The following FBLIM1 variants were observed in gnomAD, a reference collection of about 807,000 sequenced individuals.
FBLIM1 encodes filamin-binding LIM protein 1.
Under a neutral mutation model 37.4 loss-of-function variants are expected in FBLIM1, and 29 were observed. That is an observed-to-expected ratio of 0.77 (90% CI 0.58 to 1.06). The LOEUF (loss-of-function observed/expected upper bound fraction) is 1.06. FBLIM1 is among the 50% of genes least tolerant of loss of function. FBLIM1 has a pLI of 0.00. For missense variants in FBLIM1, 449 were observed against 505.6 expected (o/e 0.89, Z 1.07); for synonymous variants, 193 against 199.0 (o/e 0.97, Z 0.25).
intron 6 of FBLIM1, among the ~76,000 whole-genome samples, chr1:15,771,249 G>T (rs6666746): frequency 0.012 from 1,597 of 133,604 alleles, 29 homozygotes; most frequent in African/African-American, 0.039. Flanking sequence ...GTTTTTTTTT[G>T]TTTTTTTTTT....
chr1:15,759,227 GGC>G (rs1419466664), intron 1 of FBLIM1, among the ~76,000 whole-genome samples: 1 of 152,210 alleles, frequency 6.6e-6, no homozygotes, highest in Non-Finnish European at 1.5e-5. Flanking sequence ...TGACCCCGGC[GGC>G]CGCCCTGCTC....
At chr1:15,773,273 C>T (rs567254861) in intron 6 of FBLIM1, among the ~76,000 whole-genome samples, 63 of 151,802 alleles carry the variant, frequency 4.2e-4, no homozygotes, top group African/African-American at 1.1e-3. Context: ...ATCCCAGCTA[C>T]TTGGGAGGCT....
intron 5 of FBLIM1, among the ~76,000 whole-genome samples, chr1:15,769,121 G>T (rs943167712): frequency 6.6e-6 from 1 of 152,254 alleles, no homozygotes; most frequent in East Asian, 1.9e-4. Flanking sequence ...AGCAAACTAG[G>T]CTCTTCTGCT....
At chr1:15,773,416 C>T (rs1347210868) in intron 6 of FBLIM1, among the ~76,000 whole-genome samples, 2 of 149,994 alleles carry the variant, frequency 1.3e-5, no homozygotes, top group Non-Finnish European at 3.0e-5. Flanking sequence ...CGGTGGCTCA[C>T]GCCTGTAATC....
At chr1:15,781,718 G>A (rs796857771) in intron 8 of FBLIM1, among the ~76,000 whole-genome samples, 1 of 111,448 alleles carries the variant, frequency 9.0e-6, no homozygotes, top group African/African-American at 3.4e-5. Flanking sequence ...AGGTAGTATT[G>A]TTTTTTTTTT....
intron 8 of FBLIM1, among the ~76,000 whole-genome samples, chr1:15,779,390 C>T (rs2069579177): frequency 6.6e-6 from 1 of 152,062 alleles, no homozygotes; most frequent in Non-Finnish European, 1.5e-5. Context: ...CTGCAACCTC[C>T]ACCTCCTGGG....
intron 8 of FBLIM1, among the ~76,000 whole-genome samples, chr1:15,777,762 A>C (rs1053465544): frequency 4.0e-5 from 6 of 151,866 alleles, no homozygotes; most frequent in African/African-American, 1.5e-4. Flanking sequence ...TAGTAGAGAC[A>C]GGGTTTCACC....
chr1:15,770,226 T>C (rs2069135943), intron 5 of FBLIM1, among the ~76,000 whole-genome samples, 183 bp from the exon 6 acceptor site: 1 of 152,050 alleles, frequency 6.6e-6, no homozygotes. Context: ...GCATTACAGG[T>C]GTGAGCCACC....
At chr1:15,760,166 T>A (rs560334234) in intron 1 of FBLIM1, among the ~76,000 whole-genome samples, 3 of 151,614 alleles carry the variant, frequency 2.0e-5, no homozygotes, top group Non-Finnish European at 4.4e-5. Flanking sequence ...GAGGTTGCAG[T>A]GAGCCGAGAT....
At chr1:15,771,945 C>T (rs2069236612) in intron 6 of FBLIM1, among the ~76,000 whole-genome samples, 1 of 152,046 alleles carries the variant, frequency 6.6e-6, no homozygotes, top group South Asian at 2.1e-4. Context: ...AATGTTTGAT[C>T]TCACGGGAAT....
rs890928686 is a variant in FBLIM1 at position 15,760,821 on chromosome 1, TG to T, written c.-211+1978del. 7.1e-4 allele frequency among the ~76,000 whole-genome samples: 108 copies of T among 151,804 alleles called. 1 individual carries two copies. The highest frequency in any genetic ancestry group is 2.5e-3 in the African/African-American group (105 of 41,374). On this transcript the variant is annotated intron_variant, in intron 1 of 8. Coordinates refer to ENST00000375766, the MANE Select transcript of FBLIM1 (RefSeq NM_017556.4). ...GATTCGCTCTCTGGGGGAGGAAGAG[TG>T]GGGGCGGAGGGTCCCCTGGGCACAG... is the stretch of plus-strand genomic sequence containing the variant.
At chr1:15,758,565 G>C (rs535735641), upstream of FBLIM1, 10 of 152,342 alleles carry the variant, frequency 6.6e-5, no homozygotes, top group Middle Eastern at 3.4e-3. This position sits in a 1 kb window ranked among gnomAD's most constrained non-coding sequence, Gnocchi z 6.2. Flanking sequence ...CTGTGCCAAG[G>C]GGGAGGGGAG....
In FBLIM1 at chr1:15,767,395, T is replaced by G; in HGVS notation, c.270T>G (p.Pro90=). 1 of 1,376,036 alleles carries G rather than the reference T, an allele frequency of 7.3e-7. No homozygotes were observed. The highest frequency in any genetic ancestry group is 9.8e-7 in the Non-Finnish European group (1 of 1,025,608). 85.2% of individuals were successfully genotyped at this position (1,376,036 alleles called of 1,614,324 possible). The stretch of plus-strand genomic sequence containing the variant: ...TTGCAGGATGCCCACCCCCTCCTCC[T>G]GTCCTGGATGGTGAGGACGTGCTTC... The part of the protein sequence containing the change: ...LFNGGCPPPP[P]VLDGEDVLPD... The change falls in exon 4 of 9, where the codon CCT becomes CCG. Residue 90 remains proline, a synonymous_variant. Transcript: ENST00000375766.
intron 5 of FBLIM1, among the ~76,000 whole-genome samples, chr1:15,769,467 CT>C (rs1180296083): frequency 6.6e-6 from 1 of 150,572 alleles, no homozygotes; most frequent in Non-Finnish European, 1.5e-5. Context: ...ACAGAGTGAG[CT>C]TCCGTCTCAA....
At chr1:15,770,657 A>C in intron 6 of FBLIM1, 79 bp downstream of exon 6, 5 of 1,502,582 alleles carry the variant, frequency 3.3e-6, no homozygotes, top group Non-Finnish European at 4.5e-6. Flanking sequence ...CATTCCCCAC[A>C]CAGTCCTGGG....
At chr1:15,775,097 G>A (rs1393306249) in intron 7 of FBLIM1, 2 of 518,140 alleles carry the variant, frequency 3.9e-6, no homozygotes, top group African/African-American at 1.9e-5. Context: ...GCGGGCGCCT[G>A]TAGTCCCAGC....
At chr1:15,771,268 A>G (rs972952078) in intron 6 of FBLIM1, among the ~76,000 whole-genome samples, 8 of 131,510 alleles carry the variant, frequency 6.1e-5, no homozygotes, top group African/African-American at 2.3e-4. Flanking sequence ...TTTTTTTAAG[A>G]TGGAGGCTCA....
At chr1:15,766,308 A>G (rs931034710) in intron 3 of FBLIM1, among the ~76,000 whole-genome samples, 1 of 151,664 alleles carries the variant, frequency 6.6e-6, no homozygotes, top group East Asian at 1.9e-4. Context: ...GTGTGTGTGT[A>G]TATTTTGAGA....
At chr1:15,764,089 T>C (rs1017877368) in intron 1 of FBLIM1, among the ~76,000 whole-genome samples, 8 of 151,888 alleles carry the variant, frequency 5.3e-5, no homozygotes, top group East Asian at 1.9e-4. Flanking sequence ...GTTTTGGAGA[T>C]TGGGTGGAGT....
Sources: allele counts gnomAD v4.1 joint callset (sites outside exome capture counted in the v4.1 genomes callset), GRCh38; gene constraint gnomAD v4.1.1; non-coding constraint Gnocchi (gnomAD v3.1); transcripts MANE v1.5; gene names NCBI Gene and HGNC (gene_info 2026-07-23, HGNC 2026-07-21).